NAV3: variants seen among roughly 807,000 people sequenced by gnomAD.
The protein encoded by NAV3 is neuron navigator 3.
In NAV3, 87 loss-of-function variants were observed where a neutral mutation model predicts 244.7. That is an observed-to-expected ratio of 0.36 (90% CI 0.30 to 0.42). The LOEUF (loss-of-function observed/expected upper bound fraction) is 0.42. Among genes scored for constraint, NAV3 ranks in the 20% least tolerant of loss-of-function variants. The probability of loss-of-function intolerance (pLI) is 1.00; values close to 1 mark genes in which losing one functional copy is unlikely to be tolerated. For synonymous variants in NAV3, 1,126 were observed against 1,042.2 expected (o/e 1.08, Z -1.55); for missense variants, 2,663 against 2,893.3 (o/e 0.92, Z 1.83).
chr12:78,129,252 G>T (rs1956060090), intron 18 of NAV3, among the ~76,000 whole-genome samples: 1 of 152,112 alleles, frequency 6.6e-6, no homozygotes, highest in African/African-American at 2.4e-5. Context: ...AAACAGGAAG[G>T]CATCTCCTTA....
At chr12:77,629,839 G>A (rs754358316) in intron 2 of NAV3, among the ~76,000 whole-genome samples, 7 of 152,048 alleles carry the variant, frequency 4.6e-5, no homozygotes, top group Non-Finnish European at 7.4e-5. Flanking sequence ...TTGAAAATTG[G>A]AACAAAGCAG....
At chr12:77,734,129 C>T (rs1390253008) in intron 2 of NAV3, among the ~76,000 whole-genome samples, 4 of 151,810 alleles carry the variant, frequency 2.6e-5, no homozygotes, top group Admixed American at 6.6e-5. Flanking sequence ...CAGACTGAGC[C>T]GTTTGAAGTG....
chr12:77,844,327 T>G (rs2136194379), intron 1 of NAV3, among the ~76,000 whole-genome samples: 1 of 152,272 alleles, frequency 6.6e-6, no homozygotes, highest in South Asian at 2.1e-4. Context: ...ATAGGGGCCT[T>G]ATTCCCATCT....
chr12:78,107,719 A>G (rs1954875963), intron 12 of NAV3, among the ~76,000 whole-genome samples: 1 of 152,270 alleles, frequency 6.6e-6, no homozygotes, highest in South Asian at 2.1e-4. Context: ...GTTTGTTACT[A>G]CTAGACTGGA....
intron 2 of NAV3, chr12:77,775,983 A>G (rs1196240567): frequency 8.5e-5 from 13 of 152,246 alleles, no homozygotes; most frequent in Non-Finnish European, 1.8e-4. Flanking sequence ...GATATAGTCC[A>G]AGATCAGCGT....
At position 78,119,498 on chromosome 12, in the gene NAV3, C is replaced by T. The variant is rs2138614470; in HGVS notation, c.3302C>T (p.Ala1101Val). The change falls in exon 15 of 40, where the codon GCC (alanine) becomes GTC (valine). Residue 1101 changes from alanine (A) to valine (V), a missense_variant. Ala to Val is a moderately conservative substitution (Grantham distance 64, BLOSUM62 0). Coordinates refer to ENST00000397909, the MANE Select transcript of NAV3 (RefSeq NM_001024383.2). The stretch of plus-strand genomic sequence containing the variant: ...CTGGGTAAAATTCCAAAATCTGCTG[C>T]CATTGGCGGGAAGTCAAATGCAGGG... Reference protein sequence around the residue: ...ATLGKIPKSAAIGGKSNAGRK... With the variant: ...ATLGKIPKSAVIGGKSNAGRK... 6.2e-7 allele frequency: 1 copy of T among 1,614,180 alleles called. No homozygotes were observed. Among genetic ancestry groups the T allele is most frequent in the Middle Eastern group, 1.6e-4 (1 of 6,062 alleles).
chr12:77,826,146 A>G (rs184006249), upstream of NAV3, among the ~76,000 whole-genome samples: 20 of 152,238 alleles, frequency 1.3e-4, no homozygotes, highest in Admixed American at 3.3e-4. Context: ...TTATCAAATG[A>G]CTCAGAGATA....
chr12:77,751,862 C>T (rs753019940), intron 2 of NAV3, among the ~76,000 whole-genome samples: 1 of 152,094 alleles, frequency 6.6e-6, no homozygotes, highest in African/African-American at 2.4e-5. Context: ...TGTTCTGTGA[C>T]ATTAACACAT....
At chr12:77,716,182 G>C (rs1367766602) in intron 2 of NAV3, among the ~76,000 whole-genome samples, 1 of 151,764 alleles carries the variant, frequency 6.6e-6, no homozygotes, top group Non-Finnish European at 1.5e-5. Flanking sequence ...TTCTAAATAA[G>C]AGTTTAAATT....
chr12:77,636,542 T>C (rs1220510300), intron 2 of NAV3, among the ~76,000 whole-genome samples: 1 of 151,872 alleles, frequency 6.6e-6, no homozygotes, highest in Non-Finnish European at 1.5e-5. Context: ...TTTTACACTG[T>C]TGGTGGGAGT....
chr12:77,939,117 G>A (rs1015532082), intron 1 of NAV3, among the ~76,000 whole-genome samples: 2 of 151,972 alleles, frequency 1.3e-5, no homozygotes, highest in Non-Finnish European at 2.9e-5. Flanking sequence ...TTTTAAATGT[G>A]AATTTGCTTT....
intron 2 of NAV3, among the ~76,000 whole-genome samples, chr12:77,622,762 TAGAG>T (rs1871435567): frequency 2.0e-5 from 3 of 152,150 alleles, no homozygotes; most frequent in African/African-American, 7.2e-5. Context: ...AATTTTGATA[TAGAG>T]AATTTATGAA....
rs1886184011 is a variant in NAV3, at chr12:77,908,077, T to C, written c.244-32242T>C. Among the ~76,000 whole-genome samples the C allele has an allele frequency of 3.3e-5, 5 of 152,252 alleles. No individual in the cohort carries two copies. In the South Asian group the frequency reaches 1.0e-3, roughly 32 times the overall value. ...GATACTATAGAGTTGTGGTTTACAGTGGTTTTTAGCATATTTACTATATTT... is the reference window on the plus strand; with the variant it reads ...GATACTATAGAGTTGTGGTTTACAGCGGTTTTTAGCATATTTACTATATTT... On this transcript the variant is annotated intron_variant, in intron 1 of 39. Coordinates refer to ENST00000397909, the MANE Select transcript of NAV3 (RefSeq NM_001024383.2).
intron 2 of NAV3, among the ~76,000 whole-genome samples, chr12:77,786,455 C>T (rs957585555): frequency 6.6e-6 from 1 of 151,884 alleles, no homozygotes; most frequent in Non-Finnish European, 1.5e-5. Flanking sequence ...GTCTTTGTAA[C>T]ACTAGGATAA....
intron 2 of NAV3, among the ~76,000 whole-genome samples, chr12:77,656,940 C>T (rs1873139893): frequency 6.6e-6 from 1 of 152,150 alleles, no homozygotes; most frequent in Non-Finnish European, 1.5e-5. Context: ...ACCAGAATCT[C>T]TGGGACACAT....
intron 12 of NAV3, among the ~76,000 whole-genome samples, chr12:78,084,893 CT>C (rs1022270861): frequency 6.6e-6 from 1 of 151,666 alleles, no homozygotes; most frequent in Admixed American, 6.6e-5. Context: ...TCTGTGAGAT[CT>C]TTTTTTTCCT....
upstream of NAV3, among the ~76,000 whole-genome samples, chr12:77,827,053 C>A (rs970618503): frequency 2.6e-5 from 4 of 151,846 alleles, no homozygotes; most frequent in Non-Finnish European, 5.9e-5. Context: ...GAAACCCTGG[C>A]GAAAAGCTGT....
intron 2 of NAV3, among the ~76,000 whole-genome samples, chr12:77,717,513 C>T (rs549816039): frequency 6.6e-6 from 1 of 151,934 alleles, no homozygotes; most frequent in African/African-American, 2.4e-5. Flanking sequence ...TTTCTTTATC[C>T]ACTCATTCAT....
intron 9 of NAV3, among the ~76,000 whole-genome samples, chr12:78,044,519 G>A (rs545107187): frequency 6.6e-6 from 1 of 152,056 alleles, no homozygotes; most frequent in South Asian, 2.1e-4. Context: ...AATTACTTTG[G>A]GCAGTATGAC....
Sources: allele counts gnomAD v4.1 joint callset (sites outside exome capture counted in the v4.1 genomes callset), GRCh38; gene constraint gnomAD v4.1.1; transcripts MANE v1.5; gene names NCBI Gene and HGNC (gene_info 2026-07-23, HGNC 2026-07-21).